EP400: variants seen among roughly 807,000 people sequenced by gnomAD.
EP400 encodes E1A-binding protein p400.
In EP400, 105 loss-of-function variants were observed where a neutral mutation model predicts 354.1. That is an observed-to-expected ratio of 0.30 (90% CI 0.25 to 0.35). The LOEUF (loss-of-function observed/expected upper bound fraction) is 0.35. Among genes scored for constraint, EP400 ranks in the 10% least tolerant of loss-of-function variants. EP400 has a pLI of 1.00. For missense variants in EP400, 3,280 were observed against 4,121.0 expected (o/e 0.80, Z 5.59); for synonymous variants, 1,646 against 1,716.9 (o/e 0.96, Z 1.02).
Position 131,982,313 on chromosome 12 carries a change from A to C in EP400, c.1764A>C (p.Thr588=). ...AQQPQVVEAQ[T]QLQIPVKTQQ... ...AGCCGCAAGTGGTAGAGGCCCAGAC[A>C]CAGCTCCAAATCCCGGTGAAGACTC... is the stretch of plus-strand genomic sequence containing the variant. The change falls in exon 5 of 53, where the codon ACA becomes ACC. Residue 588 remains threonine (T), a synonymous_variant. Transcript: ENST00000389561. 6.2e-7 allele frequency: 1 copy of C among 1,614,068 alleles called. No homozygotes were observed. Among genetic ancestry groups the C allele is most frequent in the Non-Finnish European group, 8.5e-7 (1 of 1,179,990 alleles).
At chr12:131,950,992 C>A (rs1040721148) in intron 1 of EP400, among the ~76,000 whole-genome samples, 2 of 152,082 alleles carry the variant, frequency 1.3e-5, no homozygotes, top group African/African-American at 4.8e-5. Flanking sequence ...CTCCGCCTCC[C>A]AGGTTCAAGC....
intron 6 of EP400, among the ~76,000 whole-genome samples, 200 bp from the exon 7 acceptor site, chr12:131,987,505 C>A (rs1046127459): frequency 3.3e-5 from 5 of 152,192 alleles, no homozygotes; most frequent in African/African-American, 7.2e-5. Context: ...GGGTCACATG[C>A]TCCTAGACCT....
chr12:132,071,348 A>G (rs1010979031), intron 51 of EP400, among the ~76,000 whole-genome samples: 3 of 151,062 alleles, frequency 2.0e-5, no homozygotes, highest in Admixed American at 2.0e-4. Context: ...TCTTCATCCT[A>G]CCTGCCTTTG....
In EP400 at chr12:132,066,775, C is replaced by A. The variant is rs369602267; in HGVS notation, c.8555C>A (p.Thr2852Asn). Residue 2852 changes from threonine (T) to asparagine (N), a missense_variant and splice_region_variant, in exon 49 of 53, where the codon ACC becomes AAC. Thr to Asn is a moderately conservative substitution (Grantham distance 65). This residue lies in a region of EP400 where 279 missense variants were observed against 386.7 expected (regional missense o/e 0.72). Transcript: ENST00000389561. ...TCTCCCATTATTTCTACTGTTTAGA[C>A]CCGGGTTCCCACTTCTCAGCTGCAG... ...TVANLQVARL[T>N]RVPTSQLQAQ... 4 of 1,613,626 alleles carry A rather than the reference C, an allele frequency of 2.5e-6. No homozygotes were observed. The highest frequency in any genetic ancestry group is 1.3e-5 in the African/African-American group (1 of 74,910).
chr12:132,021,611 C>A (rs1894125968), intron 23 of EP400, among the ~76,000 whole-genome samples: 1 of 152,248 alleles, frequency 6.6e-6, no homozygotes, highest in Non-Finnish European at 1.5e-5. Flanking sequence ...GTGGACGGCA[C>A]TTCCCAGTGT....
rs1896281597 is a variant in EP400 at position 132,077,756 on chromosome 12, G to GT, written c.*84dup. ...CTTTATTAGTGAACCTTGGGACCAT[G>GT]TCACGCAAGAGATTCAGCACTGGGA... On this transcript the variant is annotated 3_prime_UTR_variant, in exon 53 of 53. Coordinates refer to ENST00000389561, the MANE Select transcript of EP400 (RefSeq NM_015409.5). 2.8e-6 allele frequency: 4 copies of GT among 1,431,474 alleles called. No homozygotes were observed. The highest frequency in any genetic ancestry group is 3.7e-6 in the Non-Finnish European group (4 of 1,081,042). 88.7% of individuals were successfully genotyped at this position (1,431,474 alleles called of 1,614,324 possible). A position where few individuals can be genotyped will look rare whatever the true frequency, so the allele number is the denominator to read the frequency against.
At position 132,064,793 on chromosome 12, in the gene EP400, G is replaced by A. The variant is rs1895835209; in HGVS notation, c.8460G>A (p.Gln2820=). The stretch of plus-strand genomic sequence containing the variant: ...AAGTGCAGACCTCGCAGCCGCCGCA[G>A]CAGCAGAGCCCCCAGCTCACGACGG... The part of the protein sequence containing the change: ...QVQVQTSQPP[Q]QQSPQLTTVT... Residue 2820 remains glutamine (Q), a synonymous_variant, in exon 48 of 53, where the codon CAG becomes CAA. Coordinates refer to ENST00000389561, the MANE Select transcript of EP400 (RefSeq NM_015409.5). 2 of 1,612,844 alleles carry A rather than the reference G, an allele frequency of 1.2e-6. No individual in the cohort carries two copies. Among genetic ancestry groups the A allele is most frequent in the Non-Finnish European group, 1.7e-6 (2 of 1,179,874 alleles).
chr12:132,020,249 CTT>C (rs747962184), intron 22 of EP400, 31 bp downstream of exon 22: 2 of 1,546,086 alleles, frequency 1.3e-6, no homozygotes, highest in Non-Finnish European at 1.8e-6. Flanking sequence ...TGCTCTCCGC[CTT>C]ATGGAGGTTT....
Position 132,070,935 on chromosome 12 carries a change from A to G in EP400, c.9021+1294A>G, listed in dbSNP as rs2038209772. Among the ~76,000 whole-genome samples the G allele has an allele frequency of 6.6e-6, 1 of 152,110 alleles. No homozygotes were observed. Among genetic ancestry groups the G allele is most frequent in the South Asian group, 2.1e-4 (1 of 4,830 alleles). On this transcript the variant is annotated intron_variant, in intron 51 of 52. Transcript: ENST00000389561. The surrounding 1 kb of genome is among the most constrained non-coding windows in gnomAD (Gnocchi z 4.1). The stretch of plus-strand genomic sequence containing the variant: ...TAGATTCTGGTTATTTGAATAATTT[A>G]TCTTAGGATTTGGTTTTGTTTTGTT...
chr12:132,053,130 T>C lies in EP400; in HGVS notation c.7395-16T>C. The C allele has an allele frequency of 1.2e-6, 2 of 1,614,002 alleles. No individual in the cohort carries two copies. The highest frequency in any genetic ancestry group is 1.7e-6 in the Non-Finnish European group (2 of 1,179,952). On this transcript the variant is annotated splice_polypyrimidine_tract_variant and intron_variant, in intron 41 of 52. Transcript: ENST00000389561. Reference sequence around the variant, plus strand: ...AACTTGCCTGTATGTTTTTAACCTTTGCGTCTGTCTTTCAGTGGAATCAAC... The same window carrying C: ...AACTTGCCTGTATGTTTTTAACCTTCGCGTCTGTCTTTCAGTGGAATCAAC...
intron 15 of EP400, among the ~76,000 whole-genome samples, chr12:132,009,011 G>A (rs1893677090): frequency 7.1e-6 from 1 of 140,100 alleles, no homozygotes; most frequent in South Asian, 2.3e-4. Context: ...CTTCCCAGGT[G>A]CAAGTGATCC....
At chr12:131,991,365 A>G (rs760771755) in intron 9 of EP400, 42 bp from the exon 10 acceptor site, 3 of 1,608,808 alleles carry the variant, frequency 1.9e-6, no homozygotes, top group South Asian at 2.2e-5. Context: ...CTCGCCAAGC[A>G]TGGGGGGCCT....
intron 45 of EP400, among the ~76,000 whole-genome samples, chr12:132,057,171 C>T (rs1895541853): frequency 6.6e-6 from 1 of 152,202 alleles, no homozygotes; most frequent in South Asian, 2.1e-4. Context: ...GGTACTTCCC[C>T]AAGAGAAGTG....
In EP400 at chr12:132,025,397, A is replaced by G. The variant is rs138439780; in HGVS notation, c.4856-249A>G. 2.0e-3 allele frequency among the ~76,000 whole-genome samples: 308 copies of G among 152,286 alleles called. 1 individual carries two copies. The highest frequency in any genetic ancestry group is 7.0e-3 in the African/African-American group (291 of 41,558). On this transcript the variant is annotated intron_variant, in intron 24 of 52. Coordinates refer to ENST00000389561, the MANE Select transcript of EP400 (RefSeq NM_015409.5). This position sits in a 1 kb window ranked among gnomAD's most constrained non-coding sequence, Gnocchi z 4.1. The stretch of plus-strand genomic sequence containing the variant: ...AGCAGCTGTGTGTCACCCACCTTCC[A>G]TGAGGGACAGAGGGTAGATGGCCTT...
At chr12:131,956,012 G>C (rs548563273) in intron 1 of EP400, among the ~76,000 whole-genome samples, 1 of 152,102 alleles carries the variant, frequency 6.6e-6, no homozygotes, top group South Asian at 2.1e-4. Flanking sequence ...CTGTAGCTAC[G>C]GTTCTTTACT....
Position 132,050,173 on chromosome 12 carries a change from C to A in EP400, c.7201-150C>A. On this transcript the variant is annotated intron_variant, in intron 39 of 52. Coordinates refer to ENST00000389561, the MANE Select transcript of EP400 (RefSeq NM_015409.5). The surrounding 1 kb of genome is among the most constrained non-coding windows in gnomAD (Gnocchi z 4.8). ...TAATGCCGCTGCTGTTGGGTTATGC[C>A]TGAACTTGGAAAGAAGGCCCAGGAA... 1.0e-6 allele frequency: 1 copy of A among 955,304 alleles called. No homozygotes were observed. The highest frequency in any genetic ancestry group is 1.5e-6 in the Non-Finnish European group (1 of 647,364). 59.2% of individuals were successfully genotyped at this position (955,304 alleles called of 1,614,324 possible).
In EP400 at chr12:132,050,276, T is replaced by A. The variant is rs758066852; in HGVS notation, c.7201-47T>A. 2.5e-6 allele frequency: 4 copies of A among 1,605,626 alleles called. 1 individual carries two copies. The South Asian group carries it at 4.4e-5, about 18-fold the overall frequency. On this transcript the variant is annotated intron_variant, in intron 39 of 52. Transcript: ENST00000389561. The surrounding 1 kb of genome is among the most constrained non-coding windows in gnomAD (Gnocchi z 4.8). ...GAGCCCTGTGTCCCACGCAGCCGTCTGTCCATGCTGCCTAATTCAGATGCA... is the reference window on the plus strand; with the variant it reads ...GAGCCCTGTGTCCCACGCAGCCGTCAGTCCATGCTGCCTAATTCAGATGCA...
Position 132,050,300 on chromosome 12 carries a change from C to T in EP400, c.7201-23C>T. 1.2e-6 allele frequency: 2 copies of T among 1,613,560 alleles called. No homozygotes were observed. Among genetic ancestry groups the T allele is most frequent in the Non-Finnish European group, 1.7e-6 (2 of 1,179,708 alleles). The stretch of plus-strand genomic sequence containing the variant: ...CTGTCCATGCTGCCTAATTCAGATG[C>T]ACTCTCGTCAATTTCATTGCAGAGT... On this transcript the variant is annotated intron_variant, in intron 39 of 52. Coordinates refer to ENST00000389561, the MANE Select transcript of EP400 (RefSeq NM_015409.5). The surrounding 1 kb of genome is among the most constrained non-coding windows in gnomAD (Gnocchi z 4.8).
rs1421456268 is a variant in EP400, at chr12:132,011,693, A to C, written c.3441+59A>C. The C allele has an allele frequency of 3.9e-6, 6 of 1,534,070 alleles. No individual in the cohort carries two copies. The African/African-American group carries it at 8.4e-5, about 21-fold the overall frequency. ...CAGAAAGCCATGTTAATTTTTATAA[A>C]AGACACATTAAAAAATGTGAAGACA... On this transcript the variant is annotated intron_variant, in intron 16 of 52. Coordinates refer to ENST00000389561, the MANE Select transcript of EP400 (RefSeq NM_015409.5).
Sources: allele counts gnomAD v4.1 joint callset (sites outside exome capture counted in the v4.1 genomes callset), GRCh38; gene constraint gnomAD v4.1.1; regional missense constraint gnomAD v4.1.1; non-coding constraint Gnocchi (gnomAD v3.1); transcripts MANE v1.5; gene names NCBI Gene and HGNC (gene_info 2026-07-23, HGNC 2026-07-21).